Variants in TSPEAR observed in about 807,000 individuals in gnomAD.
TSPEAR encodes thrombospondin type laminin G domain and EAR repeats.
A neutral mutation model predicts 71.6 loss-of-function variants in TSPEAR; 69 were observed. That is an observed-to-expected ratio of 0.96 (90% CI 0.79 to 1.18). The LOEUF (loss-of-function observed/expected upper bound fraction) is 1.18, where lower values mean the gene tolerates loss of function less well. Among genes scored for constraint, TSPEAR ranks in the 50% most tolerant of loss-of-function variants. TSPEAR has a pLI of 0.00. For missense variants in TSPEAR, 971 were observed against 894.9 expected, an observed-to-expected ratio of 1.09 and a Z score of -1.09; for synonymous variants, 402 against 387.2, an observed-to-expected ratio of 1.04 and a Z score of -0.45.
At chr21:44,659,295 AC>A (rs1555943215) in intron 1 of TSPEAR, among the ~76,000 whole-genome samples, 10 of 22,964 alleles carry the variant, frequency 4.4e-4, no homozygotes, top group Admixed American at 8.4e-4. Context: ...AAGCACAAGC[AC>A]TGATGATACA....
chr21:44,650,077 T>TGATA (rs1569240791), intron 1 of TSPEAR, among the ~76,000 whole-genome samples: 1 of 152,062 alleles, frequency 6.6e-6, no homozygotes, highest in African/African-American at 2.4e-5. Context: ...CAATACAATT[T>TGATA]AGCTGAACAT....
In TSPEAR at chr21:44,602,511, C is replaced by T. The variant is rs1601474066; in HGVS notation, c.83-34506G>A. Among the ~76,000 whole-genome samples the T allele has an allele frequency of 7.5e-4, 6 of 8,052 alleles. 1 individual carries two copies. The highest frequency in any genetic ancestry group is 8.6e-4 in the African/African-American group (6 of 6,982). The allele number at this position is 8,052 out of a possible 152,430, so 5.3% of individuals were successfully genotyped here. A position where few individuals can be genotyped will look rare whatever the true frequency, so the allele number is the denominator to read the frequency against. Reference sequence around the variant, plus strand: ...TGGGCGGGGACGGCCATCCTGAGGCCCGCTGGCCGGGCTGGCCCTTGGCTG... The same window carrying T: ...TGGGCGGGGACGGCCATCCTGAGGCTCGCTGGCCGGGCTGGCCCTTGGCTG... On this transcript the variant is annotated intron_variant, in intron 1 of 11. Transcript: ENST00000323084.
chr21:44,516,539 A>AAT (rs1267761992), intron 9 of TSPEAR: 1 of 152,258 alleles, frequency 6.6e-6, no homozygotes, highest in Non-Finnish European at 1.5e-5. Flanking sequence ...TACCTCCACT[A>AAT]ATAAACACCA....
chr21:44,590,159 C>G (rs77878914), intron 1 of TSPEAR, among the ~76,000 whole-genome samples: 4,647 of 152,296 alleles, frequency 0.031, 244 homozygotes, highest in African/African-American at 0.11. Context: ...TGGTGCTGGT[C>G]GCCTCTGGCG....
At chr21:44,533,584 G>T in intron 3 of TSPEAR, 101 bp downstream of exon 3, 2 of 1,016,464 alleles carry the variant, frequency 2.0e-6, no homozygotes, top group South Asian at 1.5e-5. Context: ...CCTGCCCCAG[G>T]ACAGCTCCTG....
intron 1 of TSPEAR, among the ~76,000 whole-genome samples, chr21:44,637,158 G>A (rs1186950204): frequency 6.6e-6 from 1 of 152,192 alleles, no homozygotes; most frequent in African/African-American, 2.4e-5. Context: ...GGCTCAGCCA[G>A]GGGCGCCGGT....
intron 1 of TSPEAR, chr21:44,592,571 C>A (rs1980058039): frequency 6.5e-7 from 1 of 1,527,900 alleles, no homozygotes; most frequent in Admixed American, 2.0e-5. Flanking sequence ...CCTTGTTGTC[C>A]CCGGGCCCAC....
At chr21:44,558,384 A>G in intron 2 of TSPEAR, 1 of 1,612,682 alleles carries the variant, frequency 6.2e-7, no homozygotes, top group African/African-American at 1.3e-5. Context: ...GCAGACGGGC[A>G]CACAGCAGAC....
intron 1 of TSPEAR, among the ~76,000 whole-genome samples, chr21:44,624,920 C>T (rs111598932): frequency 0.014 from 2,065 of 152,220 alleles, 58 homozygotes; most frequent in African/African-American, 0.047. Flanking sequence ...ACTCCTGGTG[C>T]CCTCAAATAG....
chr21:44,583,475 T>G (rs1371470498), intron 1 of TSPEAR, among the ~76,000 whole-genome samples: 1 of 152,240 alleles, frequency 6.6e-6, no homozygotes, highest in African/African-American at 2.4e-5. Flanking sequence ...TTGGCTGGTT[T>G]GTCGCAAAGC....
At chr21:44,551,037 C>G in intron 2 of TSPEAR, 2 of 1,612,362 alleles carry the variant, frequency 1.2e-6, no homozygotes, top group Non-Finnish European at 1.7e-6. Flanking sequence ...GACAGGCACA[C>G]GGCAGGACTG....
chr21:44,656,066 G>A (rs1164542160), intron 1 of TSPEAR, among the ~76,000 whole-genome samples: 8 of 152,134 alleles, frequency 5.3e-5, no homozygotes, highest in East Asian at 1.9e-4. Flanking sequence ...GGGACAAGCC[G>A]GGCGAGGCCA....
chr21:44,615,493 A>G (rs1555932228), intron 1 of TSPEAR, among the ~76,000 whole-genome samples: 1 of 152,132 alleles, frequency 6.6e-6, no homozygotes, highest in Non-Finnish European at 1.5e-5. Context: ...GGAATTAATG[A>G]CAGCGGGGAT....
intron 7 of TSPEAR, 26 bp from the exon 8 acceptor site, chr21:44,525,865 G>T: frequency 6.2e-7 from 1 of 1,612,688 alleles, no homozygotes; most frequent in Non-Finnish European, 8.5e-7. Flanking sequence ...CCGGGACCAC[G>T]TGGTTCTGCT....
At chr21:44,564,501 A>C (rs1180299249) in intron 2 of TSPEAR, among the ~76,000 whole-genome samples, 1 of 152,216 alleles carries the variant, frequency 6.6e-6, no homozygotes, top group Admixed American at 6.5e-5. Flanking sequence ...TGTCCGATAA[A>C]ATAAATTTTA....
At chr21:44,531,482 C>T (rs2052971748) in intron 3 of TSPEAR, among the ~76,000 whole-genome samples, 2 of 152,200 alleles carry the variant, frequency 1.3e-5, no homozygotes, top group Non-Finnish European at 2.9e-5. Context: ...GCAGGGCCCG[C>T]CTCACTCCAG....
chr21:44,594,765 T>A (rs1601462244), intron 1 of TSPEAR, among the ~76,000 whole-genome samples: 1 of 152,016 alleles, frequency 6.6e-6, no homozygotes, highest in South Asian at 2.1e-4. Context: ...TCTTGCAGGC[T>A]GTGCCCCTTT....
rs1292882346 is a variant in TSPEAR, at chr21:44,702,339, C to T, written c.82+9094G>A. The T allele has an allele frequency of 1.9e-6, 3 of 1,609,370 alleles. No individual in the cohort carries two copies. In the Admixed American group the frequency reaches 5.0e-5, roughly 27 times the overall value. On this transcript the variant is annotated intron_variant, in intron 1 of 11. Coordinates refer to ENST00000323084, the MANE Select transcript of TSPEAR (RefSeq NM_144991.3). ...CCCCCTGCCTGACCCTGGTCTGCAC[C>T]CCAGTGAGCTGTGTGTCCAGCCCCT...
chr21:44,590,405 C>A (rs587723005), intron 1 of TSPEAR, among the ~76,000 whole-genome samples: 35 of 152,102 alleles, frequency 2.3e-4, no homozygotes, highest in South Asian at 4.2e-4. Context: ...GACCACAGGA[C>A]CAGGAGGGAG....
Sources: allele counts gnomAD v4.1 joint callset (sites outside exome capture counted in the v4.1 genomes callset), GRCh38; gene constraint gnomAD v4.1.1; transcripts MANE v1.5; gene names NCBI Gene and HGNC (gene_info 2026-07-23, HGNC 2026-07-21).